TWSG1: variants seen among roughly 807,000 people sequenced by gnomAD.
TWSG1 encodes twisted gastrulation BMP signaling modulator 1.
In TWSG1, 15 loss-of-function variants were observed where a neutral mutation model predicts 23.0. The ratio of observed to expected loss-of-function variants is 0.65; its 90% CI spans 0.44 to 1.00. The LOEUF (loss-of-function observed/expected upper bound fraction) is 1.00. TWSG1 is among the 50% of genes least tolerant of loss of function. The pLI is 0.00. For synonymous variants in TWSG1, 86 were observed against 92.8 expected, an observed-to-expected ratio of 0.93 and a Z score of 0.42; for missense variants, 242 against 278.7, an observed-to-expected ratio of 0.87 and a Z score of 0.94.
intron 3 of TWSG1, among the ~76,000 whole-genome samples, chr18:9,387,531 G>A (rs1014770298): frequency 2.0e-5 from 3 of 152,010 alleles, no homozygotes; most frequent in African/African-American, 4.8e-5. Context: ...TTGGGAGTCC[G>A]AGGTGGGCAG....
At chr18:9,363,869 C>T (rs2040564532) in intron 3 of TWSG1, among the ~76,000 whole-genome samples, 1 of 152,166 alleles carries the variant, frequency 6.6e-6, no homozygotes, top group African/African-American at 2.4e-5. Context: ...CTCAAGTGAT[C>T]TGCCCTCCTC....
intron 2 of TWSG1, among the ~76,000 whole-genome samples, chr18:9,355,400 A>C (rs973393105): frequency 6.6e-6 from 1 of 152,178 alleles, no homozygotes; most frequent in African/African-American, 2.4e-5. Context: ...CTTGAGTTCA[A>C]AGCACTTTAC....
At chr18:9,372,194 G>A (rs140909245) in intron 3 of TWSG1, among the ~76,000 whole-genome samples, 2 of 151,102 alleles carry the variant, frequency 1.3e-5, no homozygotes, top group African/African-American at 2.4e-5. Context: ...CCCCCTTATC[G>A]GTGGGAGATA....
chr18:9,399,375 G>T lies in TWSG1; in HGVS notation c.520G>T (p.Asp174Tyr). Residue 174 changes from aspartate (D) to tyrosine (Y), a missense_variant, in exon 5 of 5, where the codon GAC becomes TAC. Asp to Tyr is a radical substitution (Grantham distance 160, BLOSUM62 -3). Transcript: ENST00000262120. ...EHMCTVVYFD[D>Y]CMSIHQCKIS... ...CATGTGTACTGTGGTTTATTTTGAT[G>T]ACTGCATGTCCATACATCAGTGTAA... 1.2e-6 allele frequency: 2 copies of T among 1,607,282 alleles called. No individual in the cohort carries two copies. The highest frequency in any genetic ancestry group is 2.2e-5 in the South Asian group (2 of 89,330).
intron 3 of TWSG1, among the ~76,000 whole-genome samples, chr18:9,384,741 G>A (rs2040674426): frequency 6.6e-6 from 1 of 151,988 alleles, no homozygotes; most frequent in African/African-American, 2.4e-5. Context: ...CGTCTCCTGG[G>A]TTTAAGCTAT....
intron 3 of TWSG1, among the ~76,000 whole-genome samples, chr18:9,394,302 C>T (rs1276417018): frequency 6.6e-6 from 1 of 152,164 alleles, no homozygotes; most frequent in East Asian, 1.9e-4. Flanking sequence ...AAGCCAGGAA[C>T]AGAAAGTTAA....
intron 2 of TWSG1, among the ~76,000 whole-genome samples, chr18:9,347,064 A>G (rs1401628499): frequency 2.6e-5 from 4 of 152,124 alleles, no homozygotes; most frequent in Admixed American, 6.5e-5. Flanking sequence ...TTAATTTGCA[A>G]TTCTCTAATG....
At chr18:9,362,576 C>T (rs2040557377) in intron 3 of TWSG1, among the ~76,000 whole-genome samples, 2 of 152,056 alleles carry the variant, frequency 1.3e-5, no homozygotes, top group Non-Finnish European at 2.9e-5. Context: ...AATAGCATTG[C>T]CTAAAATAAT....
chr18:9,390,891 T>C (rs2040709309), intron 3 of TWSG1, among the ~76,000 whole-genome samples: 1 of 152,212 alleles, frequency 6.6e-6, no homozygotes. Flanking sequence ...TGCACACCTC[T>C]AGACCTAGCT....
chr18:9,361,984 T>A (rs1180017600), intron 3 of TWSG1, among the ~76,000 whole-genome samples: 1 of 152,210 alleles, frequency 6.6e-6, no homozygotes, highest in Non-Finnish European at 1.5e-5. Context: ...TCTTAGGTTC[T>A]CCACAGATAG....
intron 3 of TWSG1, among the ~76,000 whole-genome samples, chr18:9,377,198 T>C (rs552062117): frequency 6.6e-6 from 1 of 151,830 alleles, no homozygotes; most frequent in South Asian, 2.1e-4. Context: ...GGAGCAAAGA[T>C]AGTCTGTTTT....
chr18:9,351,622 G>GT lies in TWSG1; in HGVS notation c.124-8333dup, dbSNP rs71168051. ...AAGAAACCCCAGTGTACCATGCTGG[G>GT]TTTTTTTTTTTTTTTTTGTCTTTTT... On this transcript the variant is annotated intron_variant, in intron 2 of 4. Coordinates refer to ENST00000262120, the MANE Select transcript of TWSG1 (RefSeq NM_020648.6). 5.6e-3 allele frequency among the ~76,000 whole-genome samples: 657 copies of GT among 116,566 alleles called. 7 individuals are homozygous for GT. Among genetic ancestry groups the GT allele is most frequent in the African/African-American group, 0.019 (611 of 31,932 alleles). 76.5% of individuals were successfully genotyped at this position (116,566 alleles called of 152,430 possible). A position where few individuals can be genotyped will look rare whatever the true frequency, so the allele number is the denominator to read the frequency against.
chr18:9,341,263 A>G (rs1455390562), intron 2 of TWSG1, among the ~76,000 whole-genome samples: 2 of 152,240 alleles, frequency 1.3e-5, no homozygotes, highest in African/African-American at 4.8e-5. Context: ...TGTAAAGTGA[A>G]TTGGCTGGCT....
At position 9,402,117 on chromosome 18, in the gene TWSG1, G is replaced by A. The variant is rs1259345361; in HGVS notation, c.*2590G>A. On this transcript the variant is annotated 3_prime_UTR_variant, in exon 5 of 5. Coordinates refer to ENST00000262120, the MANE Select transcript of TWSG1 (RefSeq NM_020648.6). ...GGTATAAAAAAGAGGTCTTCATTTA[G>A]ACATGTGATTTCTAAAATTCCAGAA... is the stretch of plus-strand genomic sequence containing the variant. 1 of 152,064 alleles carries A rather than the reference G, an allele frequency of 6.6e-6. No homozygotes were observed. Among genetic ancestry groups the A allele is most frequent in the African/African-American group, 2.4e-5 (1 of 41,406 alleles). 9.4% of individuals were successfully genotyped at this position (152,064 alleles called of 1,614,324 possible). A position where few individuals can be genotyped will look rare whatever the true frequency, so the allele number is the denominator to read the frequency against.
chr18:9,346,227 G>A (rs1377341438), intron 2 of TWSG1, among the ~76,000 whole-genome samples: 1 of 152,044 alleles, frequency 6.6e-6, no homozygotes, highest in Non-Finnish European at 1.5e-5. Context: ...ATGTCATATA[G>A]TTGGAATCAT....
chr18:9,363,369 TAG>T (rs779554415), intron 3 of TWSG1, among the ~76,000 whole-genome samples: 32 of 152,040 alleles, frequency 2.1e-4, no homozygotes, highest in Non-Finnish European at 4.0e-4. Context: ...TGCACAAAAA[TAG>T]AGAGTACAGT....
At chr18:9,383,951 G>A (rs2040670785) in intron 3 of TWSG1, among the ~76,000 whole-genome samples, 1 of 152,150 alleles carries the variant, frequency 6.6e-6, no homozygotes. Flanking sequence ...ATAGCCAAAA[G>A]GAGGGAAAAG....
chr18:9,357,654 A>G (rs575490445), intron 2 of TWSG1, among the ~76,000 whole-genome samples: 341 of 152,354 alleles, frequency 2.2e-3, no homozygotes, highest in African/African-American at 7.7e-3. Flanking sequence ...GATTTTTAAA[A>G]TCTTACTGAA....
chr18:9,361,525 C>T (rs2040552349), intron 3 of TWSG1, among the ~76,000 whole-genome samples: 1 of 152,150 alleles, frequency 6.6e-6, no homozygotes, highest in Non-Finnish European at 1.5e-5. Context: ...CTGCCTTTTT[C>T]ACTGACGAGC....
Sources: allele counts gnomAD v4.1 joint callset (sites outside exome capture counted in the v4.1 genomes callset), GRCh38; gene constraint gnomAD v4.1.1; transcripts MANE v1.5; gene names NCBI Gene and HGNC (gene_info 2026-07-23, HGNC 2026-07-21).